The following KNL1 variants were observed in gnomAD, a reference collection of about 807,000 sequenced individuals.
KNL1 encodes the protein kinetochore scaffold 1.
Under a neutral mutation model 201.3 loss-of-function variants are expected in KNL1, and 66 were observed. The ratio of observed to expected loss-of-function variants is 0.33; its 90% CI spans 0.27 to 0.40. The LOEUF (loss-of-function observed/expected upper bound fraction) is 0.40. KNL1 is among the 10% of genes least tolerant of loss of function. The pLI is 1.00. For missense variants in KNL1, 2,815 were observed against 2,690.5 expected, an observed-to-expected ratio of 1.05 and a Z score of -1.02; for synonymous variants, 895 against 899.2, an observed-to-expected ratio of 1.00 and a Z score of 0.08.
chr15:40,651,748 G>A (rs1269934799), intron 20 of KNL1, among the ~76,000 whole-genome samples, 176 bp downstream of exon 20: 3 of 152,116 alleles, frequency 2.0e-5, no homozygotes, highest in Non-Finnish European at 2.9e-5. Context: ...AAGAACTATG[G>A]AATTATAATT....
At position 40,652,119 on chromosome 15, in the gene KNL1, G is replaced by A. The variant is rs1468487012; in HGVS notation, c.6415+14G>A. On this transcript the variant is annotated intron_variant, in intron 21 of 25. Transcript: ENST00000399668. ...AAGAGTCAGTTGGTAAGGAGCCAAA[G>A]TGAGATAATTCTTTTACAGAAAAAT... 1 of 1,555,278 alleles carries A rather than the reference G, an allele frequency of 6.4e-7. No homozygotes were observed.
Position 40,608,935 on chromosome 15 carries a change from ATAT to A in KNL1, c.197+31_197+33del, listed in dbSNP as rs777585941. 6 of 1,500,546 alleles carry A rather than the reference ATAT, an allele frequency of 4.0e-6. No individual in the cohort carries two copies. In the African/African-American group the frequency reaches 4.1e-5, roughly 10 times the overall value. The allele number at this position is 1,500,546 out of a possible 1,614,324, so 93.0% of individuals were successfully genotyped here. A position where few individuals can be genotyped will look rare whatever the true frequency, so the allele number is the denominator to read the frequency against. On this transcript the variant is annotated intron_variant, in intron 5 of 25. Transcript: ENST00000399668. ...TAAGTTGAAAGCAGAAATAACTAAA[ATAT>A]TATAGGTACTGGTATTTTGTGTATC...
At chr15:40,629,966 T>A (rs1892867141) in intron 13 of KNL1, among the ~76,000 whole-genome samples, 1 of 127,064 alleles carries the variant, frequency 7.9e-6, no homozygotes, top group Non-Finnish European at 1.8e-5. Context: ...AGAACTAACA[T>A]GGGCTTTTTC....
intron 24 of KNL1, among the ~76,000 whole-genome samples, chr15:40,658,079 A>G (rs983703545): frequency 3.9e-5 from 6 of 152,234 alleles, no homozygotes; most frequent in Admixed American, 3.9e-4. Flanking sequence ...CAGCCTGGCC[A>G]ATATGGTGAA....
chr15:40,602,480 C>CTTTTTTTTT (rs34192317), intron 1 of KNL1, among the ~76,000 whole-genome samples: 1 of 79,130 alleles, frequency 1.3e-5, no homozygotes, highest in Non-Finnish European at 2.3e-5. Context: ...TTTTTCCTTC[C>CTTTTTTTTT]TTTTTTTTTT....
chr15:40,651,344 C>A, intron 19 of KNL1, 127 bp from the exon 20 acceptor site: 3 of 380,692 alleles, frequency 7.9e-6, no homozygotes, highest in East Asian at 4.8e-5. Context: ...GGATGCCATA[C>A]ACCTAACATT....
chr15:40,623,207 A>G lies in KNL1; in HGVS notation c.2943A>G (p.Lys981=). 1.2e-6 allele frequency: 2 copies of G among 1,614,002 alleles called. No homozygotes were observed. Among genetic ancestry groups the G allele is most frequent in the Non-Finnish European group, 1.7e-6 (2 of 1,179,896 alleles). ...CTAACTTTGAACTATCCCAAAGGAA[A>G]AGCCTAGGAACACCAACAGTGATAT... ...DRPNFELSQR[K]SLGTPTVICT... Residue 981 remains lysine, a synonymous_variant, in exon 10 of 26, where the codon AAA becomes AAG. Coordinates refer to ENST00000399668, the MANE Select transcript of KNL1 (RefSeq NM_144508.5).
At chr15:40,608,128 A>G (rs1892033747) in intron 4 of KNL1, among the ~76,000 whole-genome samples, 2 of 152,178 alleles carry the variant, frequency 1.3e-5, no homozygotes, top group African/African-American at 4.8e-5. Context: ...CTTGAAAAAA[A>G]GAAGGAAATT....
chr15:40,635,649 C>T (rs1490388890), intron 13 of KNL1, among the ~76,000 whole-genome samples: 3 of 152,098 alleles, frequency 2.0e-5, no homozygotes, highest in African/African-American at 7.2e-5. Flanking sequence ...CCACCACACC[C>T]ACCTGGGGAA....
intron 8 of KNL1, 83 bp from the exon 9 acceptor site, chr15:40,618,876 G>A (rs1349976998): frequency 1.2e-6 from 1 of 828,818 alleles, no homozygotes; most frequent in South Asian, 1.6e-5. Context: ...GTAAATACTT[G>A]TAACTGATGA....
Position 40,622,936 on chromosome 15 carries a change from G to C in KNL1, c.2672G>C (p.Arg891Pro), listed in dbSNP as rs761632869. ...EINHRPLLEK[R>P]DCHLVPLAGT... ...AACCATAGACCTTTATTAGAGAAAC[G>C]TGATTGTCATTTGGTGCCATTGGCA... Residue 891 changes from arginine (R) to proline (P), a missense_variant, in exon 10 of 26, where the codon CGT becomes CCT. Transcript: ENST00000399668. The C allele has an allele frequency of 2.5e-6, 4 of 1,613,298 alleles. No individual in the cohort carries two copies. The South Asian group carries it at 4.4e-5, about 18-fold the overall frequency.
At position 40,623,908 on chromosome 15, in the gene KNL1, A is replaced by C; in HGVS notation, c.3644A>C (p.Gln1215Pro). 1 of 1,613,450 alleles carries C rather than the reference A, an allele frequency of 6.2e-7. No homozygotes were observed. The highest frequency in any genetic ancestry group is 8.5e-7 in the Non-Finnish European group (1 of 1,179,932). Reference protein sequence around the residue: ...NSCVQEIAEKQALAVGNKIVL... With the variant: ...NSCVQEIAEKPALAVGNKIVL... ...TGTGTTCAAGAAATCGCTGAAAAAC[A>C]AGCACTGGCTGTAGGAAACAAAATA... Residue 1215 changes from glutamine to proline, a missense_variant, in exon 10 of 26, where the codon CAA becomes CCA. This residue lies in a region of KNL1 where 2,464 missense variants were observed against 2,291.7 expected (regional missense o/e 1.08). Coordinates refer to ENST00000399668, the MANE Select transcript of KNL1 (RefSeq NM_144508.5).
At chr15:40,619,782 C>G (rs1367153802) in intron 9 of KNL1, among the ~76,000 whole-genome samples, 2 of 152,046 alleles carry the variant, frequency 1.3e-5, no homozygotes, top group African/African-American at 4.8e-5. Context: ...ATGACCTATT[C>G]AATATAGTAA....
In KNL1 at chr15:40,622,426, C is replaced by A. The variant is rs1242537735; in HGVS notation, c.2162C>A (p.Thr721Lys). Residue 721 changes from threonine (T) to lysine (K), a missense_variant, in exon 10 of 26, where the codon ACA (threonine) becomes AAA (lysine). Around this residue, in one of 3 missense-constraint regions of KNL1, gnomAD observed 2,464 missense variants for 2,291.7 expected, o/e 1.08. Transcript: ENST00000399668. ...CATGATACTGCTATAAGTAGTCATA[C>A]AGTGAAATCTGTACTAGGCCAGAAT... ...KNHDTAISSH[T>K]VKSVLGQNSK... 1.2e-6 allele frequency: 2 copies of A among 1,613,678 alleles called. No homozygotes were observed. The highest frequency in any genetic ancestry group is 2.7e-5 in the African/African-American group (2 of 75,042).
intron 21 of KNL1, among the ~76,000 whole-genome samples, chr15:40,653,778 C>A (rs570029383): frequency 3.4e-4 from 52 of 152,310 alleles, no homozygotes; most frequent in Admixed American, 1.6e-3. Context: ...CAGTGGACTT[C>A]TTTTATTTCC....
chr15:40,603,794 C>A (rs532443328), intron 2 of KNL1, among the ~76,000 whole-genome samples: 109 of 152,062 alleles, frequency 7.2e-4, no homozygotes, highest in Non-Finnish European at 1.3e-3. Context: ...GGCAGTATGC[C>A]CAGAGTAGCA....
At position 40,621,996 on chromosome 15, in the gene KNL1, C is replaced by T; in HGVS notation, c.1732C>T (p.His578Tyr). ...SGENMDLTESHTSNLGSQVPL... is the reference protein window; with the variant it reads ...SGENMDLTESYTSNLGSQVPL... ...TGAAAATATGGATTTGACTGAAAGT[C>T]ACACAAGTAACTTAGGAAGTCAGGT... The change falls in exon 10 of 26, where the codon CAC becomes TAC. Residue 578 changes from histidine to tyrosine, a missense_variant. This residue lies in a region of KNL1 where 2,464 missense variants were observed against 2,291.7 expected (regional missense o/e 1.08). Coordinates refer to ENST00000399668, the MANE Select transcript of KNL1 (RefSeq NM_144508.5). The T allele has an allele frequency of 6.2e-7, 1 of 1,614,020 alleles. No homozygotes were observed. The highest frequency in any genetic ancestry group is 8.5e-7 in the Non-Finnish European group (1 of 1,179,950).
At chr15:40,601,611 C>T (rs2141695509) in intron 1 of KNL1, among the ~76,000 whole-genome samples, 1 of 151,958 alleles carries the variant, frequency 6.6e-6, no homozygotes, top group East Asian at 2.0e-4. Context: ...GCGGGTGGAT[C>T]ATGAGGTCAG....
At chr15:40,610,787 G>A in intron 6 of KNL1, 1 of 455,632 alleles carries the variant, frequency 2.2e-6, no homozygotes, top group Middle Eastern at 3.6e-4. Flanking sequence ...GATTTTCACT[G>A]TTGTTCCCCA....
Sources: allele counts gnomAD v4.1 joint callset (sites outside exome capture counted in the v4.1 genomes callset), GRCh38; gene constraint gnomAD v4.1.1; regional missense constraint gnomAD v4.1.1; transcripts MANE v1.5; gene names NCBI Gene and HGNC (gene_info 2026-07-23, HGNC 2026-07-21).